The following NMU variants were observed in gnomAD, a reference collection of about 807,000 sequenced individuals.
The protein encoded by NMU is neuromedin U.
In NMU, 29 loss-of-function variants were observed where a neutral mutation model predicts 35.4. The ratio of observed to expected loss-of-function variants is 0.82; its 90% CI spans 0.61 to 1.12. The LOEUF (loss-of-function observed/expected upper bound fraction) is 1.12. NMU is among the 50% of genes most tolerant of loss of function. NMU has a pLI of 0.00. For missense variants in NMU, 199 were observed against 206.2 expected (o/e 0.97, Z 0.21); for synonymous variants, 78 against 81.3 (o/e 0.96, Z 0.22).
chr4:55,631,115 T>C (rs1734736762), intron 1 of NMU, among the ~76,000 whole-genome samples: 1 of 152,166 alleles, frequency 6.6e-6, no homozygotes, highest in South Asian at 2.1e-4. Context: ...CTAGGAAAAC[T>C]GACAAGCCAC....
intron 4 of NMU, among the ~76,000 whole-genome samples, chr4:55,607,752 T>C (rs1733750207): frequency 6.6e-6 from 1 of 152,222 alleles, no homozygotes; most frequent in Non-Finnish European, 1.5e-5. Context: ...AGTGGTAGAA[T>C]GGGAAATTAT....
intron 6 of NMU, 42 bp from the exon 7 acceptor site, chr4:55,605,391 C>T (rs1332750701): frequency 4.5e-6 from 6 of 1,347,978 alleles, no homozygotes; most frequent in Admixed American, 1.7e-5. Context: ...TGCATGGCTT[C>T]TCAGCAGTGG....
chr4:55,632,540 T>C (rs895956231), intron 1 of NMU, among the ~76,000 whole-genome samples: 2 of 152,164 alleles, frequency 1.3e-5, no homozygotes, highest in Non-Finnish European at 2.9e-5. Flanking sequence ...TTCTCAATTA[T>C]ATATTTCTCA....
chr4:55,625,427 A>G (rs1734487142), intron 2 of NMU, among the ~76,000 whole-genome samples: 1 of 152,178 alleles, frequency 6.6e-6, no homozygotes, highest in Admixed American at 6.5e-5. Context: ...CATCTTATTT[A>G]TATTTCTAGC....
chr4:55,599,925 T>C (rs957656347), intron 8 of NMU, among the ~76,000 whole-genome samples: 3 of 152,162 alleles, frequency 2.0e-5, no homozygotes, highest in Admixed American at 2.0e-4. Context: ...CCTTGGTACA[T>C]TGCTCAGCAC....
intron 2 of NMU, among the ~76,000 whole-genome samples, chr4:55,617,322 A>G (rs1316650134): frequency 6.6e-6 from 1 of 152,216 alleles, no homozygotes; most frequent in African/African-American, 2.4e-5. Flanking sequence ...TAACAAAGGT[A>G]TAAGATATTA....
At chr4:55,630,298 G>A (rs893086650) in intron 2 of NMU, 104 bp downstream of exon 2, 3 of 907,892 alleles carry the variant, frequency 3.3e-6, no homozygotes, top group Non-Finnish European at 3.6e-6. Context: ...TTATTAGAGT[G>A]TTGGTAAAAT....
chr4:55,627,910 G>C (rs891129706), intron 2 of NMU, among the ~76,000 whole-genome samples: 1 of 152,172 alleles, frequency 6.6e-6, no homozygotes, highest in Non-Finnish European at 1.5e-5. Flanking sequence ...AGGAAAATAA[G>C]AGAACTTTCT....
At chr4:55,611,373 AAATT>A (rs1353109833) in intron 3 of NMU, among the ~76,000 whole-genome samples, 1 of 152,182 alleles carries the variant, frequency 6.6e-6, no homozygotes, top group Non-Finnish European at 1.5e-5. Context: ...GAAAAAGAAA[AAATT>A]AAAAAGTTTA....
intron 9 of NMU, among the ~76,000 whole-genome samples, chr4:55,598,194 C>T (rs1267008375): frequency 2.0e-5 from 3 of 147,026 alleles, no homozygotes; most frequent in African/African-American, 5.0e-5. Context: ...TGGGCTCAAG[C>T]GATCCTCCCA....
intron 3 of NMU, among the ~76,000 whole-genome samples, chr4:55,612,081 G>A (rs1457263374): frequency 6.6e-6 from 1 of 152,110 alleles, no homozygotes; most frequent in African/African-American, 2.4e-5. Flanking sequence ...AGTTGGCTGC[G>A]AGAAAAACTA....
chr4:55,628,810 T>C (rs1001646145), intron 2 of NMU, among the ~76,000 whole-genome samples: 2 of 152,004 alleles, frequency 1.3e-5, no homozygotes, highest in African/African-American at 4.8e-5. Context: ...TTTACTTCAT[T>C]CCTGTTTTTT....
At chr4:55,607,523 T>C in intron 4 of NMU, 57 bp from the exon 5 acceptor site, 1 of 612,942 alleles carries the variant, frequency 1.6e-6, no homozygotes, top group Non-Finnish European at 2.8e-6. Context: ...TACTATCTTA[T>C]ATACAGTAAT....
intron 9 of NMU, among the ~76,000 whole-genome samples, chr4:55,598,338 G>A (rs1319744451): frequency 6.6e-6 from 1 of 151,996 alleles, no homozygotes; most frequent in Non-Finnish European, 1.5e-5. Flanking sequence ...CTCCCAAAGT[G>A]ATGGGATTAC....
chr4:55,607,323 TGTG>T lies in NMU; in HGVS notation c.332_334del (p.Thr111_Gln112delinsLys). Reference sequence around the variant, plus strand: ...CACAACATTTGACTTGCCCAACTTCTGTGTCTTCGAATAATGAAATAAGAACTG... The same window carrying T: ...CACAACATTTGACTTGCCCAACTTCTTCTTCGAATAATGAAATAAGAACTG... On this transcript the variant is annotated inframe_deletion, in exon 6 of 10. Coordinates refer to ENST00000264218, the MANE Select transcript of NMU (RefSeq NM_006681.4). 1 of 1,608,186 alleles carries T rather than the reference TGTG, an allele frequency of 6.2e-7. No homozygotes were observed. Among genetic ancestry groups the T allele is most frequent in the Admixed American group, 1.7e-5 (1 of 59,998 alleles).
rs1366055411 is a variant in NMU at position 55,605,353 on chromosome 4, A to G, written c.361-4T>C. ...GCAACGGATGCACAACTGACGACTGAGAGGACATGAACACACACGTGAATA... is the reference window on the plus strand; with the variant it reads ...GCAACGGATGCACAACTGACGACTGGGAGGACATGAACACACACGTGAATA... On this transcript the variant is annotated splice_polypyrimidine_tract_variant and splice_region_variant and intron_variant, in intron 6 of 9. Transcript: ENST00000264218. 6.2e-7 allele frequency: 1 copy of G among 1,609,070 alleles called. No individual in the cohort carries two copies. Among genetic ancestry groups the G allele is most frequent in the Non-Finnish European group, 8.5e-7 (1 of 1,175,470 alleles).
intron 6 of NMU, 62 bp from the exon 7 acceptor site, chr4:55,605,411 C>T (rs377346412): frequency 5.1e-6 from 6 of 1,177,968 alleles, no homozygotes; most frequent in South Asian, 2.4e-5. Context: ...GCCATCAAGA[C>T]GGTTTCCTAT....
chr4:55,606,215 A>T (rs1341114366), intron 6 of NMU, among the ~76,000 whole-genome samples: 1 of 152,252 alleles, frequency 6.6e-6, no homozygotes, highest in African/African-American at 2.4e-5. Flanking sequence ...TTTAAAATAC[A>T]CTATGCTCCT....
chr4:55,607,761 A>G (rs1434692510), intron 4 of NMU, among the ~76,000 whole-genome samples: 1 of 152,244 alleles, frequency 6.6e-6, no homozygotes, highest in African/African-American at 2.4e-5. Flanking sequence ...ATGGGAAATT[A>G]TTATATCATG....
Sources: allele counts gnomAD v4.1 joint callset (sites outside exome capture counted in the v4.1 genomes callset), GRCh38; gene constraint gnomAD v4.1.1; transcripts MANE v1.5; gene names NCBI Gene and HGNC (gene_info 2026-07-23, HGNC 2026-07-21).